The following CCDC6 variants were observed in gnomAD, a reference collection of about 807,000 sequenced individuals.
CCDC6 encodes the protein coiled-coil domain-containing protein 6.
CCDC6 carries 20 observed loss-of-function variants against 56.6 expected under a neutral mutation model. The ratio of observed to expected loss-of-function variants is 0.35; its 90% CI spans 0.25 to 0.51. The LOEUF is 0.51. Among genes scored for constraint, CCDC6 ranks in the 20% least tolerant of loss-of-function variants. The pLI, the probability that CCDC6 is intolerant of heterozygous loss-of-function variation, is 0.95. For synonymous variants in CCDC6, 241 were observed against 234.4 expected, an observed-to-expected ratio of 1.03 and a Z score of -0.26; for missense variants, 367 against 601.1, an observed-to-expected ratio of 0.61 and a Z score of 4.07.
At chr10:59,870,594 C>A (rs996210943) in intron 1 of CCDC6, among the ~76,000 whole-genome samples, 2 of 152,136 alleles carry the variant, frequency 1.3e-5, no homozygotes, top group Admixed American at 1.3e-4. Flanking sequence ...TCTAGAGGAC[C>A]ACCCAGCTAG....
intron 5 of CCDC6, among the ~76,000 whole-genome samples, chr10:59,808,830 T>C (rs2070649134): frequency 6.6e-6 from 1 of 152,224 alleles, no homozygotes; most frequent in Admixed American, 6.5e-5. Flanking sequence ...CTGATAAGTA[T>C]TCAATGATTT....
chr10:59,868,515 T>C (rs191082377), intron 1 of CCDC6, among the ~76,000 whole-genome samples: 155 of 152,312 alleles, frequency 1.0e-3, no homozygotes, highest in African/African-American at 3.5e-3. Context: ...AAGCCTCTAA[T>C]AAAACCCCAC....
intron 2 of CCDC6, among the ~76,000 whole-genome samples, chr10:59,840,352 G>A (rs1187405183): frequency 6.6e-6 from 1 of 152,088 alleles, no homozygotes; most frequent in African/African-American, 2.4e-5. Flanking sequence ...TAAATCATTT[G>A]CCATTTTTCC....
intron 7 of CCDC6, among the ~76,000 whole-genome samples, chr10:59,800,589 AT>A (rs1356006939): frequency 6.6e-6 from 1 of 150,532 alleles, no homozygotes; most frequent in Non-Finnish European, 1.5e-5. Flanking sequence ...TATGAAATTT[AT>A]TACATTTAGC....
At chr10:59,794,373 A>G (rs1430277621) in intron 8 of CCDC6, 100 bp downstream of exon 8, 2 of 1,191,692 alleles carry the variant, frequency 1.7e-6, no homozygotes, top group Middle Eastern at 2.3e-4. Flanking sequence ...GGAGGCAGGA[A>G]GAAGGGCAAA....
chr10:59,806,084 G>A (rs1026248465), intron 6 of CCDC6, among the ~76,000 whole-genome samples: 2 of 152,146 alleles, frequency 1.3e-5, no homozygotes, highest in African/African-American at 4.8e-5. Context: ...CTAAGATACC[G>A]CCCATGTAAC....
rs1305665226 is a variant in CCDC6, at chr10:59,906,314, G to A, written c.111C>T (p.Gly37=). The change falls in exon 1 of 9, where the codon GGC becomes GGT. Residue 37 remains glycine, a synonymous_variant. Transcript: ENST00000263102. The part of the protein sequence containing the change: ...CSSTSGGGGG[G]GGGGGGGKSG... The stretch of plus-strand genomic sequence containing the variant: ...ACTTCCCACCGCCGCCGCCTCCCCC[G>A]CCGCCACCGCCGCCGCCCGAGGTCG... 3.1e-6 allele frequency: 5 copies of A among 1,599,964 alleles called. No individual in the cohort carries two copies. The highest frequency in any genetic ancestry group is 1.7e-5 in the Admixed American group (1 of 59,860).
chr10:59,841,813 G>A (rs1184680046), intron 2 of CCDC6, among the ~76,000 whole-genome samples: 5 of 151,486 alleles, frequency 3.3e-5, no homozygotes, highest in East Asian at 2.0e-4. Context: ...GACTACGGGC[G>A]CCTACAACCA....
rs2071550404 is a variant in CCDC6, at chr10:59,906,553, AG to A, written c.-130del. On this transcript the variant is annotated 5_prime_UTR_variant, in exon 1 of 9. Transcript: ENST00000263102. ...AGCTGAGCGCCTGGCACCAGGGCGCAGACTCGGAGCGGCGGCGAGAGAAAGA... is the reference window on the plus strand; with the variant it reads ...AGCTGAGCGCCTGGCACCAGGGCGCAACTCGGAGCGGCGGCGAGAGAAAGA... 2.6e-6 allele frequency: 2 copies of A among 769,008 alleles called. No individual in the cohort carries two copies. The highest frequency in any genetic ancestry group is 7.8e-5 in the Admixed American group (2 of 25,518). 47.6% of individuals were successfully genotyped at this position (769,008 alleles called of 1,614,324 possible).
intron 1 of CCDC6, among the ~76,000 whole-genome samples, chr10:59,865,108 C>T (rs964985527): frequency 2.0e-5 from 3 of 152,306 alleles, no homozygotes; most frequent in South Asian, 2.1e-4. Flanking sequence ...CAGCTATTTA[C>T]GAGAAACCTA....
chr10:59,820,806 T>C (rs1225364476), intron 3 of CCDC6, among the ~76,000 whole-genome samples: 1 of 149,096 alleles, frequency 6.7e-6, no homozygotes, highest in African/African-American at 2.5e-5. Context: ...AAGAAAAAGA[T>C]AGCAGAATAC....
At chr10:59,831,057 G>A (rs1388013715) in intron 3 of CCDC6, among the ~76,000 whole-genome samples, 1 of 152,104 alleles carries the variant, frequency 6.6e-6, no homozygotes, top group Non-Finnish European at 1.5e-5. Context: ...ACAAATCTTC[G>A]AAGCTTACCT....
At chr10:59,828,345 G>C (rs528055133) in intron 3 of CCDC6, among the ~76,000 whole-genome samples, 73 of 152,228 alleles carry the variant, frequency 4.8e-4, no homozygotes, top group African/African-American at 1.7e-3. Flanking sequence ...GTGCTACAAA[G>C]ACCACACAAT....
intron 1 of CCDC6, among the ~76,000 whole-genome samples, chr10:59,896,290 G>A (rs1180334913): frequency 6.6e-6 from 1 of 152,032 alleles, no homozygotes; most frequent in African/African-American, 2.4e-5. Context: ...AAGTGTTGGG[G>A]GTAAGATATG....
intron 6 of CCDC6, 168 bp from the exon 7 acceptor site, chr10:59,804,688 G>A (rs549320778): frequency 1.4e-5 from 8 of 566,530 alleles, no homozygotes; most frequent in East Asian, 1.2e-4. Context: ...GAGTCACACC[G>A]CTCTGCTGTT....
Position 59,812,675 on chromosome 10 carries a change from C to T in CCDC6, c.807G>A (p.Val269=). Reference sequence around the variant, plus strand: ...CTCTCAGTTGCTTCTTCAGCCGTTCCACTTCATTCTTTAAAAACCTGATGT... The same window carrying T: ...CTCTCAGTTGCTTCTTCAGCCGTTCTACTTCATTCTTTAAAAACCTGATGT... ...MRHIRFLKNE[V]ERLKKQLRAA... Residue 269 remains valine, a synonymous_variant, in exon 5 of 9, where the codon GTG becomes GTA. Transcript: ENST00000263102. 1 of 1,613,312 alleles carries T rather than the reference C, an allele frequency of 6.2e-7. No homozygotes were observed. Among genetic ancestry groups the T allele is most frequent in the Non-Finnish European group, 8.5e-7 (1 of 1,179,516 alleles).
chr10:59,864,902 G>A (rs2071164117), intron 1 of CCDC6, among the ~76,000 whole-genome samples: 1 of 152,174 alleles, frequency 6.6e-6, no homozygotes, highest in African/African-American at 2.4e-5. Flanking sequence ...ACATTTGTAA[G>A]AACAAGAGTC....
At chr10:59,807,838 G>A (rs1375413760) in intron 5 of CCDC6, among the ~76,000 whole-genome samples, 1 of 152,144 alleles carries the variant, frequency 6.6e-6, no homozygotes, top group Admixed American at 6.5e-5. Context: ...GCCATCTAGG[G>A]GAGCCTGTGA....
intron 3 of CCDC6, among the ~76,000 whole-genome samples, chr10:59,821,870 T>G (rs772244084): frequency 1.4e-4 from 21 of 152,220 alleles, no homozygotes; most frequent in Admixed American, 2.0e-4. Context: ...ATAATTTATC[T>G]TCCTATTTTT....
Sources: allele counts gnomAD v4.1 joint callset (sites outside exome capture counted in the v4.1 genomes callset), GRCh38; gene constraint gnomAD v4.1.1; transcripts MANE v1.5; gene names NCBI Gene and HGNC (gene_info 2026-07-23, HGNC 2026-07-21).